Variants in NEK6 observed in about 807,000 individuals in gnomAD.
NEK6 encodes the protein serine/threonine-protein kinase Nek6.
A neutral mutation model predicts 43.5 loss-of-function variants in NEK6; 27 were observed. The observed-to-expected ratio is 0.62, with a 90% CI of 0.46 to 0.86. NEK6 has a LOEUF of 0.86. Among genes scored for constraint, NEK6 ranks in the 40% least tolerant of loss-of-function variants. The pLI is 0.00. For missense variants in NEK6, 318 were observed against 414.4 expected, an observed-to-expected ratio of 0.77 and a Z score of 2.02; for synonymous variants, 167 against 164.1, an observed-to-expected ratio of 1.02 and a Z score of -0.14.
chr9:124,286,091 A>C (rs1472226356), intron 1 of NEK6, among the ~76,000 whole-genome samples: 2 of 147,494 alleles, frequency 1.4e-5, no homozygotes, highest in Admixed American at 1.3e-4. Flanking sequence ...CCTCCCCCGC[A>C]GTCAGACTTT....
At chr9:124,346,012 C>T (rs532254641) in intron 8 of NEK6, among the ~76,000 whole-genome samples, 32 of 152,312 alleles carry the variant, frequency 2.1e-4, no homozygotes. Context: ...CTCCCTGCAG[C>T]CCTCCTCCAA....
intron 1 of NEK6, chr9:124,293,038 C>A: frequency 6.7e-7 from 1 of 1,485,474 alleles, no homozygotes; most frequent in Non-Finnish European, 9.0e-7. Context: ...ATTTCCCAGG[C>A]AGGCAGGGGT....
chr9:124,292,528 C>T, intron 1 of NEK6: 1 of 1,537,066 alleles, frequency 6.5e-7, no homozygotes, highest in Non-Finnish European at 8.7e-7. Flanking sequence ...AGATGCTCGC[C>T]TGGGACCCAG....
intron 4 of NEK6, among the ~76,000 whole-genome samples, chr9:124,318,328 G>C (rs1411823244): frequency 6.6e-6 from 1 of 151,808 alleles, no homozygotes; most frequent in Non-Finnish European, 1.5e-5. Context: ...TGCAGCATCA[G>C]CCTCCCAGAA....
intron 7 of NEK6, among the ~76,000 whole-genome samples, chr9:124,332,365 G>T (rs1829045663): frequency 6.6e-6 from 1 of 152,200 alleles, no homozygotes; most frequent in South Asian, 2.1e-4. Flanking sequence ...CAGAGGTCAG[G>T]GGGGGACCCT....
intron 1 of NEK6, among the ~76,000 whole-genome samples, chr9:124,297,796 G>A (rs968911485): frequency 2.0e-4 from 30 of 152,216 alleles, no homozygotes; most frequent in Non-Finnish European, 5.9e-5. Context: ...ACCCCGAGGT[G>A]CCTGCACGCA....
At chr9:124,276,628 A>G (rs985337939) in intron 1 of NEK6, among the ~76,000 whole-genome samples, 4 of 152,224 alleles carry the variant, frequency 2.6e-5, no homozygotes, top group African/African-American at 9.7e-5. Context: ...CTGAATCTTC[A>G]CAGCCCCTCC....
At chr9:124,345,501 C>T (rs1167552691) in intron 8 of NEK6, among the ~76,000 whole-genome samples, 1 of 152,228 alleles carries the variant, frequency 6.6e-6, no homozygotes, top group Non-Finnish European at 1.5e-5. Context: ...AGAGCAGAGA[C>T]ATGATGGGAA....
chr9:124,313,239 T>C (rs939363549), intron 3 of NEK6, among the ~76,000 whole-genome samples: 13 of 152,160 alleles, frequency 8.5e-5, no homozygotes, highest in Admixed American at 1.3e-4. Flanking sequence ...AAGAACAAGA[T>C]TGAGAGCCTG....
chr9:124,317,892 C>T (rs1386256573), intron 4 of NEK6, among the ~76,000 whole-genome samples: 1 of 152,240 alleles, frequency 6.6e-6, no homozygotes, highest in African/African-American at 2.4e-5. Flanking sequence ...CTATTGTATA[C>T]ATGTACCACA....
intron 9 of NEK6, 88 bp downstream of exon 9, chr9:124,347,910 C>A: frequency 1.3e-6 from 1 of 767,648 alleles, no homozygotes; most frequent in Non-Finnish European, 2.2e-6. Flanking sequence ...AGCTGTGGGG[C>A]TGAGGTTAGG....
intron 1 of NEK6, among the ~76,000 whole-genome samples, chr9:124,272,533 G>A (rs1245731877): frequency 1.3e-5 from 2 of 152,238 alleles, no homozygotes; most frequent in African/African-American, 2.4e-5. Context: ...TTAACATGCT[G>A]CCTTTCGTGT....
chr9:124,341,452 C>G (rs911043003), intron 8 of NEK6, among the ~76,000 whole-genome samples: 21 of 6,126 alleles, frequency 3.4e-3, no homozygotes, highest in African/African-American at 6.5e-3. Context: ...CCCCTTCTCC[C>G]AGGGCTCAGC....
intron 5 of NEK6, 116 bp downstream of exon 5, chr9:124,321,685 G>T (rs191475919): frequency 4.0e-5 from 27 of 677,686 alleles, no homozygotes; most frequent in Non-Finnish European, 5.4e-5. Flanking sequence ...GCGGCCACCC[G>T]GGGACCCTGG....
chr9:124,312,805 A>G (rs566656032), intron 3 of NEK6, among the ~76,000 whole-genome samples, 156 bp downstream of exon 3: 3 of 152,318 alleles, frequency 2.0e-5, no homozygotes, highest in South Asian at 2.1e-4. Flanking sequence ...GTGGACTCCT[A>G]TTGATGAAAG....
intron 8 of NEK6, among the ~76,000 whole-genome samples, chr9:124,346,429 G>A (rs529687176): frequency 1.7e-3 from 266 of 152,304 alleles, no homozygotes; most frequent in African/African-American, 5.9e-3. Flanking sequence ...GAGGACAAGC[G>A]ACGGTTCCCC....
intron 1 of NEK6, among the ~76,000 whole-genome samples, chr9:124,290,956 G>C (rs1392862604): frequency 1.3e-5 from 2 of 152,216 alleles, no homozygotes; most frequent in Non-Finnish European, 2.9e-5. Flanking sequence ...CTGAGTCATT[G>C]CAGGGTCCCG....
chr9:124,281,779 G>A (rs1334314224), intron 1 of NEK6, among the ~76,000 whole-genome samples: 4 of 152,162 alleles, frequency 2.6e-5, no homozygotes, highest in African/African-American at 7.2e-5. Flanking sequence ...GATTACAGGC[G>A]TAAGCCACCA....
intron 9 of NEK6, among the ~76,000 whole-genome samples, chr9:124,349,057 C>G (rs1432140857): frequency 2.6e-5 from 4 of 152,234 alleles, no homozygotes; most frequent in Non-Finnish European, 4.4e-5. Flanking sequence ...GGGTGCTGCG[C>G]TTGTGTCCAG....
Sources: allele counts gnomAD v4.1 joint callset (sites outside exome capture counted in the v4.1 genomes callset), GRCh38; gene constraint gnomAD v4.1.1; transcripts MANE v1.5; gene names NCBI Gene and HGNC (gene_info 2026-07-23, HGNC 2026-07-21).